FRAS1: variants seen among roughly 807,000 people sequenced by gnomAD.
FRAS1 encodes the protein Fraser extracellular matrix complex subunit 1, also known as extracellular matrix organizing protein FRAS1.
A neutral mutation model predicts 435.2 loss-of-function variants in FRAS1; 290 were observed. The ratio of observed to expected loss-of-function variants is 0.67; its 90% CI spans 0.61 to 0.73. FRAS1 has a LOEUF of 0.73. FRAS1 is among the 30% of genes least tolerant of loss of function. FRAS1 has a pLI of 0.00. For missense variants in FRAS1, 4,860 were observed against 5,001.5 expected (o/e 0.97, Z 0.85); for synonymous variants, 1,800 against 1,851.0 (o/e 0.97, Z 0.71).
At chr4:78,169,603 T>A (rs985032879) in intron 2 of FRAS1, among the ~76,000 whole-genome samples, 4 of 152,140 alleles carry the variant, frequency 2.6e-5, no homozygotes, top group African/African-American at 9.6e-5. Context: ...TTGTATTTTA[T>A]TATTATCAAG....
At chr4:78,329,345 C>T (rs181411529) in intron 18 of FRAS1, among the ~76,000 whole-genome samples, 48 of 152,346 alleles carry the variant, frequency 3.2e-4, no homozygotes, top group Admixed American at 1.4e-3. Flanking sequence ...AATCCTCCCC[C>T]TCAATGCATT....
rs1311607552 is a variant in FRAS1 at position 78,543,103 on chromosome 4, CTG to C, written c.*1980_*1981del. 2.0e-5 allele frequency: 3 copies of C among 152,158 alleles called. No homozygotes were observed. The highest frequency in any genetic ancestry group is 7.2e-5 in the African/African-American group (3 of 41,430). 9.4% of individuals were successfully genotyped at this position (152,158 alleles called of 1,614,324 possible). A position where few individuals can be genotyped will look rare whatever the true frequency, so the allele number is the denominator to read the frequency against. ...GAATGAGTTGGGGTGAGCCCAGAGT[CTG>C]AAACTCCTGACTGGTCAGGTGCTAC... On this transcript the variant is annotated 3_prime_UTR_variant, in exon 74 of 74. Transcript: ENST00000512123.
chr4:78,477,529 G>T (rs1719886449), intron 54 of FRAS1, among the ~76,000 whole-genome samples: 2 of 152,156 alleles, frequency 1.3e-5, no homozygotes, highest in South Asian at 2.1e-4. Flanking sequence ...AATAAGACAG[G>T]CTATAAAGAG....
chr4:78,256,575 C>T (rs1417715364), intron 6 of FRAS1, among the ~76,000 whole-genome samples: 1 of 152,184 alleles, frequency 6.6e-6, no homozygotes, highest in Admixed American at 6.6e-5. Flanking sequence ...TAACCTCAGA[C>T]TGCATATTAG....
At chr4:78,430,180 C>A in intron 36 of FRAS1, 112 bp from the exon 37 acceptor site, 2 of 1,257,226 alleles carry the variant, frequency 1.6e-6, no homozygotes, top group Non-Finnish European at 2.3e-6. Context: ...TTTCTGATAA[C>A]AATCAGATTA....
intron 2 of FRAS1, among the ~76,000 whole-genome samples, chr4:78,226,112 A>G (rs1465324353): frequency 6.6e-6 from 1 of 152,114 alleles, no homozygotes. Flanking sequence ...TAAACATTGT[A>G]TTTACCTCTT....
At position 78,199,132 on chromosome 4, in the gene FRAS1, C is replaced by T. The variant is rs78418245; in HGVS notation, c.109-38378C>T. On this transcript the variant is annotated intron_variant, in intron 2 of 73. Coordinates refer to ENST00000512123, the MANE Select transcript of FRAS1 (RefSeq NM_025074.7). ...TTTACATGTATTTTATGTTCCCCAC[C>T]TCCTGTCACTAGGTAGTAGGCATAT... Among the ~76,000 whole-genome samples, 417 of 152,260 alleles carry T rather than the reference C, an allele frequency of 2.7e-3. 2 individuals carry two copies. The highest frequency in any genetic ancestry group is 0.017 in the Middle Eastern group (5 of 294).
At chr4:78,411,260 G>A (rs925005860) in intron 31 of FRAS1, among the ~76,000 whole-genome samples, 2 of 151,886 alleles carry the variant, frequency 1.3e-5, no homozygotes, top group African/African-American at 2.4e-5. Flanking sequence ...ATAGGTGCCC[G>A]CCACCATGCC....
chr4:78,257,615 G>A (rs1449638030), intron 6 of FRAS1, among the ~76,000 whole-genome samples: 2 of 152,178 alleles, frequency 1.3e-5, no homozygotes, highest in African/African-American at 4.8e-5. Flanking sequence ...GGGTGGACAA[G>A]CTGAAAGGAA....
chr4:78,156,863 C>T (rs754514960), intron 2 of FRAS1, among the ~76,000 whole-genome samples: 10 of 152,136 alleles, frequency 6.6e-5, no homozygotes, highest in Non-Finnish European at 1.2e-4. Context: ...ATGGAAGACC[C>T]CTGTTGTGGC....
intron 24 of FRAS1, 92 bp from the exon 25 acceptor site, chr4:78,374,019 T>C: frequency 7.7e-7 from 1 of 1,291,412 alleles, no homozygotes; most frequent in Non-Finnish European, 1.1e-6. Flanking sequence ...TAGGCTGTAC[T>C]GCTGCTGGAC....
At chr4:78,347,924 TTTC>T in intron 20 of FRAS1, among the ~76,000 whole-genome samples, 1 of 152,216 alleles carries the variant, frequency 6.6e-6, no homozygotes, top group East Asian at 1.9e-4. Flanking sequence ...AGTGAACTGT[TTTC>T]TTTTGTGGAG....
rs201927256 is a variant in FRAS1 at position 78,245,234 on chromosome 4, G to A, written c.218G>A (p.Gly73Glu). Residue 73 changes from glycine (G) to glutamate (E), a missense_variant and splice_region_variant, in exon 4 of 74, where the codon GGA becomes GAA. Transcript: ENST00000512123. ...CRNPQCAFEK[G>E]EVLQIAANQC... ...TTTGAGCTGCTTTTAAATGCTCAGG[G>A]AGAAGTGCTTCAAATAGCTGCCAAC... The A allele has an allele frequency of 3.1e-6, 5 of 1,602,462 alleles. No individual in the cohort carries two copies. Among genetic ancestry groups the A allele is most frequent in the Non-Finnish European group, 4.3e-6 (5 of 1,173,930 alleles).
At chr4:78,143,391 A>C (rs913769059) in intron 2 of FRAS1, among the ~76,000 whole-genome samples, 1 of 152,190 alleles carries the variant, frequency 6.6e-6, no homozygotes, top group Non-Finnish European at 1.5e-5. Context: ...TACAAGGTGG[A>C]TTTTAATGTA....
At chr4:78,419,781 C>G (rs534196369) in intron 33 of FRAS1, among the ~76,000 whole-genome samples, 1 of 152,258 alleles carries the variant, frequency 6.6e-6, no homozygotes, top group South Asian at 2.1e-4. Flanking sequence ...AGGAAACTTA[C>G]AATCATGGCG....
intron 2 of FRAS1, among the ~76,000 whole-genome samples, chr4:78,172,470 A>T (rs930273973): frequency 2.0e-5 from 3 of 152,122 alleles, no homozygotes; most frequent in African/African-American, 7.2e-5. Flanking sequence ...AGTGACTGAC[A>T]AACACTTTTT....
intron 58 of FRAS1, among the ~76,000 whole-genome samples, chr4:78,484,982 T>A (rs929748848): frequency 1.3e-5 from 2 of 152,254 alleles, no homozygotes; most frequent in African/African-American, 4.8e-5. Context: ...ATACGTTTTA[T>A]TCTTGAAATT....
chr4:78,319,296 A>T, intron 18 of FRAS1: 1 of 507,198 alleles, frequency 2.0e-6, no homozygotes, highest in Middle Eastern at 3.0e-4. Flanking sequence ...CTCAGAGCTC[A>T]TTGTAGAATT....
At chr4:78,246,003 T>A (rs905101725) in intron 4 of FRAS1, among the ~76,000 whole-genome samples, 4 of 152,206 alleles carry the variant, frequency 2.6e-5, no homozygotes, top group Non-Finnish European at 5.9e-5. Flanking sequence ...TTCCCCCTTT[T>A]GAGAACTACA....
Sources: allele counts gnomAD v4.1 joint callset (sites outside exome capture counted in the v4.1 genomes callset), GRCh38; gene constraint gnomAD v4.1.1; transcripts MANE v1.5; gene names NCBI Gene and HGNC (gene_info 2026-07-23, HGNC 2026-07-21).